DDI2: variants seen among roughly 807,000 people sequenced by gnomAD.
The protein encoded by DDI2 is protein DDI1 homolog 2.
In DDI2, 5 loss-of-function variants were observed where a neutral mutation model predicts 48.1. That is an observed-to-expected ratio of 0.10 (90% confidence interval 0.05 to 0.22). The LOEUF is 0.22. Among genes scored for constraint, DDI2 ranks in the 10% least tolerant of loss-of-function variants. The pLI, the probability that DDI2 is intolerant of heterozygous loss-of-function variation, is 1.00. For synonymous variants in DDI2, 205 were observed against 183.6 expected (o/e 1.12, Z -0.94); for missense variants, 285 against 506.2 (o/e 0.56, Z 4.19).
At chr1:15,627,255 G>GT (rs1639772593) in intron 2 of DDI2, among the ~76,000 whole-genome samples, 1 of 152,200 alleles carries the variant, frequency 6.6e-6, no homozygotes. Context: ...TAACTTGGTT[G>GT]TGGGGGGATT....
At chr1:15,622,630 A>G (rs1323748648) in intron 1 of DDI2, among the ~76,000 whole-genome samples, 1 of 151,978 alleles carries the variant, frequency 6.6e-6, no homozygotes, top group African/African-American at 2.4e-5. Context: ...GTTGGGTAAC[A>G]TGAATGGTGG....
intron 1 of DDI2, among the ~76,000 whole-genome samples, chr1:15,624,732 A>G (rs1639726512): frequency 6.6e-6 from 1 of 152,128 alleles, no homozygotes; most frequent in Non-Finnish European, 1.5e-5. Flanking sequence ...CTTCCAATGG[A>G]ACGCTAAGCT....
Position 15,661,789 on chromosome 1 carries a change from C to T in DDI2, c.*1999C>T, listed in dbSNP as rs965507485. The T allele has an allele frequency of 2.3e-5, 35 of 1,506,082 alleles. No homozygotes were observed. The East Asian group carries it at 2.5e-4, about 11-fold the overall frequency. The allele number at this position is 1,506,082 out of a possible 1,614,324, so 93.3% of individuals were successfully genotyped here. ...CAAAAGAAAGCTCTCTCTATATACA[C>T]GCACACATACACACTCACCACATAT... On this transcript the variant is annotated 3_prime_UTR_variant, in exon 10 of 10. Coordinates refer to ENST00000480945, the MANE Select transcript of DDI2 (RefSeq NM_032341.5).
At chr1:15,659,004 A>C (rs1031849737) in intron 9 of DDI2, among the ~76,000 whole-genome samples, 1 of 152,152 alleles carries the variant, frequency 6.6e-6, no homozygotes. Context: ...GTTGCACACT[A>C]TTGATGTGAT....
At chr1:15,623,917 A>T (rs917747045) in intron 1 of DDI2, among the ~76,000 whole-genome samples, 3 of 152,080 alleles carry the variant, frequency 2.0e-5, no homozygotes, top group African/African-American at 7.2e-5. Flanking sequence ...AAAAAAAATT[A>T]GCCGCTTGTG....
At chr1:15,626,628 T>C (rs1570967711) in intron 1 of DDI2, 41 bp from the exon 2 acceptor site, 2 of 1,612,612 alleles carry the variant, frequency 1.2e-6, no homozygotes, top group East Asian at 4.5e-5. Flanking sequence ...CTGTGTTACT[T>C]CTCAGTGCTT....
Position 15,660,920 on chromosome 1 carries a change from C to A in DDI2, c.*1130C>A. The A allele has an allele frequency of 6.2e-7, 1 of 1,613,606 alleles. No homozygotes were observed. The highest frequency in any genetic ancestry group is 8.5e-7 in the Non-Finnish European group (1 of 1,179,806). Reference sequence around the variant, plus strand: ...GAGTCAGCAGAAGAATCTTGCCCGTCTATAACGGCAGCCTTGAAAGAACTT... The same window carrying A: ...GAGTCAGCAGAAGAATCTTGCCCGTATATAACGGCAGCCTTGAAAGAACTT... On this transcript the variant is annotated 3_prime_UTR_variant, in exon 10 of 10. Coordinates refer to ENST00000480945, the MANE Select transcript of DDI2 (RefSeq NM_032341.5).
chr1:15,617,852 C>G (rs748069763), intron 1 of DDI2, 44 bp downstream of exon 1: 1 of 1,503,828 alleles, frequency 6.6e-7, no homozygotes, highest in Non-Finnish European at 8.9e-7. Context: ...GCTAAGCCCT[C>G]CCCGCCTCGG....
intron 3 of DDI2, among the ~76,000 whole-genome samples, chr1:15,631,828 C>T (rs1377012076): frequency 4.0e-5 from 6 of 150,396 alleles, no homozygotes; most frequent in East Asian, 2.0e-4. Flanking sequence ...TTTCTTGAGA[C>T]GGAGTTTCAC....
intron 2 of DDI2, among the ~76,000 whole-genome samples, chr1:15,629,214 A>G (rs1052100883): frequency 6.6e-6 from 1 of 152,236 alleles, no homozygotes; most frequent in African/African-American, 2.4e-5. Context: ...TCAGAGAACT[A>G]TTAAGAACTT....
rs1471394151 is a variant in DDI2, at chr1:15,661,730, A to G, written c.*1940A>G. The G allele has an allele frequency of 6.3e-7, 1 of 1,599,300 alleles. No homozygotes were observed. The highest frequency in any genetic ancestry group is 1.3e-5 in the African/African-American group (1 of 74,606). On this transcript the variant is annotated 3_prime_UTR_variant, in exon 10 of 10. Transcript: ENST00000480945. ...ATCGTAGTTCCTACATGACTGTGGG[A>G]AAGTGGGCTAGACCGTTCTCCATTC...
At chr1:15,658,486 G>C (rs1294779287) in intron 9 of DDI2, among the ~76,000 whole-genome samples, 1 of 132,546 alleles carries the variant, frequency 7.5e-6, no homozygotes, top group Non-Finnish European at 1.6e-5. Flanking sequence ...ACAATGGTCG[G>C]GTGCGGTGGC....
At chr1:15,645,233 T>C (rs1640072019) in intron 6 of DDI2, among the ~76,000 whole-genome samples, 1 of 152,208 alleles carries the variant, frequency 6.6e-6, no homozygotes, top group South Asian at 2.1e-4. Flanking sequence ...CCCTTTGACC[T>C]CAGTGTTTTG....
intron 1 of DDI2, among the ~76,000 whole-genome samples, chr1:15,618,552 C>T (rs1639603756): frequency 1.3e-5 from 2 of 152,158 alleles, no homozygotes; most frequent in South Asian, 2.1e-4. Flanking sequence ...AAGCTCAATG[C>T]TTTAAAAGGA....
chr1:15,627,981 T>C (rs748511123), intron 2 of DDI2, among the ~76,000 whole-genome samples: 3 of 152,190 alleles, frequency 2.0e-5, no homozygotes, highest in Non-Finnish European at 2.9e-5. Context: ...TTAAACGTAT[T>C]TAAACAACTA....
At chr1:15,652,318 G>A (rs990015782) in intron 8 of DDI2, among the ~76,000 whole-genome samples, 4 of 151,190 alleles carry the variant, frequency 2.6e-5, no homozygotes, top group Non-Finnish European at 5.9e-5. Context: ...TTGGCCTCCC[G>A]AAGTGCTGGG....
intron 5 of DDI2, among the ~76,000 whole-genome samples, chr1:15,640,744 T>G (rs1295630219): frequency 6.6e-6 from 1 of 152,230 alleles, no homozygotes; most frequent in African/African-American, 2.4e-5. Flanking sequence ...TTTCCTTCAT[T>G]ATTTCTGGGC....
intron 2 of DDI2, 69 bp from the exon 3 acceptor site, chr1:15,630,256 C>G: frequency 2.1e-6 from 3 of 1,435,318 alleles, no homozygotes; most frequent in Non-Finnish European, 2.9e-6. Context: ...AGCAAGTGTT[C>G]TGCTGTTTCC....
intron 5 of DDI2, among the ~76,000 whole-genome samples, 200 bp from the exon 6 acceptor site, chr1:15,643,322 T>C (rs1021559840): frequency 3.3e-5 from 5 of 152,234 alleles, no homozygotes; most frequent in Admixed American, 6.5e-5. Context: ...TGTCAAATTG[T>C]ACATCATGTT....
Sources: gnomAD v4.1 joint callset for allele counts (sites outside exome capture counted in the v4.1 genomes callset) on GRCh38, gnomAD v4.1.1 for gene constraint, MANE v1.5 for transcripts, NCBI Gene and HGNC (gene_info 2026-07-23, HGNC 2026-07-21) for gene names.